The following ANO1 variants were observed in gnomAD, a reference collection of about 807,000 sequenced individuals.
ANO1 encodes anoctamin-1.
In ANO1, 59 loss-of-function variants were observed where a neutral mutation model predicts 124.0. The observed-to-expected ratio is 0.48, with a 90% CI of 0.39 to 0.59. The LOEUF (loss-of-function observed/expected upper bound fraction) is 0.59. Ranked by LOEUF, ANO1 falls within the 20% of genes least tolerant of loss-of-function variation. The pLI, the probability that ANO1 is intolerant of heterozygous loss-of-function variation, is 0.00. For missense variants in ANO1, 1,059 were observed against 1,328.0 expected (o/e 0.80, Z 3.15); for synonymous variants, 529 against 532.0 (o/e 0.99, Z 0.08).
intron 1 of ANO1, among the ~76,000 whole-genome samples, chr11:70,046,158 A>G (rs1857257061): frequency 6.6e-6 from 1 of 152,230 alleles, no homozygotes; most frequent in African/African-American, 2.4e-5. Context: ...GGGTTCAGCA[A>G]AAATGCCCAG....
intron 1 of ANO1, among the ~76,000 whole-genome samples, chr11:70,072,232 C>T (rs908137038): frequency 6.6e-6 from 1 of 152,204 alleles, no homozygotes; most frequent in Non-Finnish European, 1.5e-5. Flanking sequence ...ATTTCTCCCA[C>T]AGACGTGAGG....
chr11:70,170,704 A>C (rs1015693286), intron 21 of ANO1, among the ~76,000 whole-genome samples, 183 bp from the exon 22 acceptor site: 2 of 152,216 alleles, frequency 1.3e-5, no homozygotes, highest in African/African-American at 4.8e-5. Flanking sequence ...GAGGTCACCC[A>C]GGGTCATGGA....
chr11:70,085,656 C>A (rs2044344783), intron 1 of ANO1: 1 of 1,503,640 alleles, frequency 6.7e-7, no homozygotes, highest in African/African-American at 1.4e-5. Flanking sequence ...CCCTTGACAT[C>A]AACACCTATG....
chr11:70,088,444 G>T (rs1346515388), intron 2 of ANO1, among the ~76,000 whole-genome samples: 10 of 149,568 alleles, frequency 6.7e-5, no homozygotes, highest in African/African-American at 2.5e-4. Flanking sequence ...AGGAGGCAGA[G>T]GTTGCAGTGA....
the ANO1 span, among the ~76,000 whole-genome samples, chr11:69,974,890 A>C: frequency 0.024 from 712 of 29,936 alleles, 16 homozygotes; most frequent in African/African-American, 0.04. Flanking sequence ...CCGTCTCTAA[A>C]AAAAAAAAAA....
At chr11:70,163,171 C>T in intron 18 of ANO1, 112 bp from the exon 19 acceptor site, 1 of 1,154,870 alleles carries the variant, frequency 8.7e-7, no homozygotes, top group East Asian at 2.4e-5. Flanking sequence ...TGTAGATACC[C>T]TCGAGGCTCA....
intron 2 of ANO1, among the ~76,000 whole-genome samples, chr11:70,092,714 G>A (rs1051043225): frequency 1.9e-4 from 29 of 152,184 alleles, no homozygotes; most frequent in Non-Finnish European, 1.3e-4. Flanking sequence ...AAGACCCCCA[G>A]TATCCACATG....
intron 25 of ANO1, 104 bp downstream of exon 25, chr11:70,185,799 G>C: frequency 7.7e-7 from 1 of 1,290,474 alleles, no homozygotes; most frequent in Non-Finnish European, 1.1e-6. Context: ...CAGGGGTTCA[G>C]AGACTCCTCC....
chr11:70,182,458 C>T lies in ANO1; in HGVS notation c.2404-44C>T, dbSNP rs199836279. 442 of 1,452,542 alleles carry T rather than the reference C, an allele frequency of 3.0e-4. 3 individuals carry two copies. In the African/African-American group the frequency reaches 5.4e-3, roughly 18 times the overall value. 90.0% of individuals were successfully genotyped at this position (1,452,542 alleles called of 1,614,324 possible). A position where few individuals can be genotyped will look rare whatever the true frequency, so the allele number is the denominator to read the frequency against. ...CCCCCTGTTGCGGCCGGCCCTTCTGCGCCCAGGCTGGGGGTCCCCCTCACT... is the reference window on the plus strand; with the variant it reads ...CCCCCTGTTGCGGCCGGCCCTTCTGTGCCCAGGCTGGGGGTCCCCCTCACT... On this transcript the variant is annotated intron_variant, in intron 23 of 25. Transcript: ENST00000355303.
At chr11:70,064,741 G>A (rs1225831155) in intron 1 of ANO1, 1 of 152,180 alleles carries the variant, frequency 6.6e-6, no homozygotes. Context: ...CTATCAAAAT[G>A]ATCTGGGAGA....
At chr11:69,990,358 T>C (rs1856130202) in intron 1 of ANO1, among the ~76,000 whole-genome samples, 1 of 152,256 alleles carries the variant, frequency 6.6e-6, no homozygotes. Context: ...AATGTTCCAT[T>C]GAATGGATAT....
At chr11:70,162,450 G>A (rs1046032366) in intron 18 of ANO1, among the ~76,000 whole-genome samples, 1 of 152,158 alleles carries the variant, frequency 6.6e-6, no homozygotes, top group Non-Finnish European at 1.5e-5. Flanking sequence ...AGTCCACAAA[G>A]TGGGGACAAG....
intron 1 of ANO1, among the ~76,000 whole-genome samples, chr11:70,027,551 C>G (rs1225260100): frequency 2.0e-5 from 3 of 152,238 alleles, no homozygotes; most frequent in Non-Finnish European, 4.4e-5. Context: ...CATCAAACTG[C>G]AAACACTTAA....
intron 7 of ANO1, among the ~76,000 whole-genome samples, chr11:70,113,777 AG>A (rs1191665733): frequency 1.3e-5 from 2 of 152,098 alleles, no homozygotes; most frequent in Non-Finnish European, 2.9e-5. Flanking sequence ...CTGTGTGCAG[AG>A]CCCTCTGTTT....
intron 1 of ANO1, among the ~76,000 whole-genome samples, chr11:70,085,042 A>G (rs1168684189): frequency 1.3e-5 from 2 of 151,924 alleles, no homozygotes; most frequent in Non-Finnish European, 2.9e-5. Context: ...CGCGGCTCCT[A>G]CTAAGGGGGG....
intron 10 of ANO1, among the ~76,000 whole-genome samples, chr11:70,130,936 C>A (rs544449376): frequency 6.6e-6 from 1 of 152,362 alleles, no homozygotes; most frequent in South Asian, 2.1e-4. Flanking sequence ...CCAAGGCAGC[C>A]GCCCCACCAG....
At chr11:70,048,006 C>T (rs897808755) in intron 1 of ANO1, among the ~76,000 whole-genome samples, 1 of 152,184 alleles carries the variant, frequency 6.6e-6, no homozygotes, top group South Asian at 2.1e-4. Flanking sequence ...TGAAACCTTC[C>T]TTGCAAAAGT....
At chr11:70,181,010 G>A (rs2048908865) in intron 23 of ANO1, among the ~76,000 whole-genome samples, 1 of 152,062 alleles carries the variant, frequency 6.6e-6, no homozygotes, top group Non-Finnish European at 1.5e-5. Flanking sequence ...TCCCCATCGG[G>A]GTCTGTCTGA....
intron 1 of ANO1, chr11:70,072,289 A>C (rs1857890385): frequency 6.6e-6 from 1 of 152,246 alleles, no homozygotes; most frequent in African/African-American, 2.4e-5. Flanking sequence ...TCCCCCCAAG[A>C]GAAACCTGCA....
Sources: allele counts gnomAD v4.1 joint callset (sites outside exome capture counted in the v4.1 genomes callset), GRCh38; gene constraint gnomAD v4.1.1; transcripts MANE v1.5; gene names NCBI Gene and HGNC (gene_info 2026-07-23, HGNC 2026-07-21).